The following NEMF variants were observed in gnomAD, a reference collection of about 807,000 sequenced individuals.
The protein encoded by NEMF is nuclear export mediator factor.
NEMF carries 89 observed loss-of-function variants against 162.2 expected under a neutral mutation model. That is an observed-to-expected ratio of 0.55 (90% CI 0.46 to 0.65). The LOEUF is 0.65. NEMF is among the 30% of genes least tolerant of loss of function. The pLI is 0.00. For missense variants in NEMF, 1,133 were observed against 1,261.9 expected (o/e 0.90, Z 1.55); for synonymous variants, 421 against 404.5 (o/e 1.04, Z -0.49).
chr14:49,782,788 A>T lies in NEMF; in HGVS notation c.*1848T>A, dbSNP rs1178002379. 1 of 1,596,890 alleles carries T rather than the reference A, an allele frequency of 6.3e-7. No individual in the cohort carries two copies. Among genetic ancestry groups the T allele is most frequent in the African/African-American group, 1.3e-5 (1 of 74,152 alleles). The stretch of plus-strand genomic sequence containing the variant: ...TTTTCAAGTGAATGTACTTCCAAAC[A>T]GTAAAGTGAAATTACTTTTCTCTTT... On this transcript the variant is annotated 3_prime_UTR_variant, in exon 33 of 33. Coordinates refer to ENST00000298310, the MANE Select transcript of NEMF (RefSeq NM_004713.6).
intron 28 of NEMF, 181 bp from the exon 29 acceptor site, chr14:49,786,931 G>T: frequency 1.8e-6 from 1 of 561,358 alleles, no homozygotes; most frequent in Non-Finnish European, 3.1e-6. Context: ...ATATGTGTTT[G>T]TGTGTGTCTG....
In NEMF at chr14:49,829,113, A is replaced by G; in HGVS notation, c.1173T>C (p.Pro391=). 1 of 1,614,212 alleles carries G rather than the reference A, an allele frequency of 6.2e-7. No homozygotes were observed. Among genetic ancestry groups the G allele is most frequent in the Non-Finnish European group, 8.5e-7 (1 of 1,180,020 alleles). The change falls in exon 13 of 33, where the codon CCT becomes CCC. Residue 391 remains proline (P), a synonymous_variant. Coordinates refer to ENST00000298310, the MANE Select transcript of NEMF (RefSeq NM_004713.6). ...TTAATTCTTTGATTGCACTTGCAAC[A>G]GGGTCTCCTTGAGCCTGGGCTTCTT... ...IVKEAQAQGD[P]VASAIKELKL...
rs1261588011 is a variant in NEMF at position 49,834,438 on chromosome 14, C to T, written c.586G>A (p.Ala196Thr). 2.5e-6 allele frequency: 4 copies of T among 1,594,544 alleles called. No individual in the cohort carries two copies. Among genetic ancestry groups the T allele is most frequent in the Non-Finnish European group, 2.6e-6 (3 of 1,162,262 alleles). Residue 196 changes from alanine (A) to threonine (T), a missense_variant, in exon 7 of 33, where the codon GCT (alanine) becomes ACT (threonine). Transcript: ENST00000298310. ...VLNPLLPYGPALIEHCLLENG... is the reference protein window; with the variant it reads ...VLNPLLPYGPTLIEHCLLENG... Reference sequence around the variant, plus strand: ...TCTAAAAGACAGTGTTCAATGAGAGCTGGTCCATAGGCTATAAATGCAGAG... The same window carrying T: ...TCTAAAAGACAGTGTTCAATGAGAGTTGGTCCATAGGCTATAAATGCAGAG...
At chr14:49,840,497 C>T (rs1893147006) in intron 5 of NEMF, among the ~76,000 whole-genome samples, 1 of 151,680 alleles carries the variant, frequency 6.6e-6, no homozygotes, top group African/African-American at 2.4e-5. Flanking sequence ...ATACATTTGC[C>T]TCTCCCAAAT....
At chr14:49,786,812 T>A in intron 28 of NEMF, 62 bp from the exon 29 acceptor site, 1 of 1,466,922 alleles carries the variant, frequency 6.8e-7, no homozygotes, top group Non-Finnish European at 9.5e-7. Flanking sequence ...TTCCACATCA[T>A]TAAACCATAA....
intron 5 of NEMF, among the ~76,000 whole-genome samples, chr14:49,840,111 G>C (rs1240695173): frequency 6.6e-6 from 1 of 152,080 alleles, no homozygotes; most frequent in Non-Finnish European, 1.5e-5. Flanking sequence ...AGTGAGCTAT[G>C]ATCACGCCAA....
rs142661016 is a variant in NEMF, at chr14:49,819,313, G to C, written c.1578-4456C>G. On this transcript the variant is annotated intron_variant, in intron 16 of 32. Transcript: ENST00000298310. ...GACACACAAAAAACAGAGTAACTAC[G>C]TGAGATGATGCATATGTTAATGTGC... Among the ~76,000 whole-genome samples, 82 of 152,100 alleles carry C rather than the reference G, an allele frequency of 5.4e-4. 1 individual carries two copies. The East Asian group carries it at 0.013, about 24-fold the overall frequency.
intron 25 of NEMF, among the ~76,000 whole-genome samples, chr14:49,797,703 A>C (rs1056005615): frequency 6.6e-6 from 1 of 152,248 alleles, no homozygotes; most frequent in African/African-American, 2.4e-5. Context: ...TCAGGTATTC[A>C]TATTTATTCC....
chr14:49,847,893 G>A (rs137997293), intron 3 of NEMF, among the ~76,000 whole-genome samples: 1,650 of 151,844 alleles, frequency 0.011, 12 homozygotes, highest in Non-Finnish European at 0.015. Context: ...TTAGCTGGGC[G>A]TGCTGGCGCA....
At position 49,819,392 on chromosome 14, in the gene NEMF, CATATATATATAT is replaced by C. The variant is rs10596408; in HGVS notation, c.1578-4547_1578-4536del. On this transcript the variant is annotated intron_variant, in intron 16 of 32. Coordinates refer to ENST00000298310, the MANE Select transcript of NEMF (RefSeq NM_004713.6). ...TATATAATAAAAACATATTATAGAC[CATATATATATAT>C]ATATATATATATATATGTTTATTTT... 5.4e-5 allele frequency among the ~76,000 whole-genome samples: 8 copies of C among 147,452 alleles called. No homozygotes were observed. In the East Asian group the frequency reaches 7.9e-4, roughly 15 times the overall value.
At position 49,782,999 on chromosome 14, in the gene NEMF, C is replaced by G. The variant is rs45543342; in HGVS notation, c.*1637G>C. 22,393 of 1,579,878 alleles carry G rather than the reference C, an allele frequency of 0.014. 219 individuals carry two copies. Among genetic ancestry groups the G allele is most frequent in the Non-Finnish European group, 0.017 (20,287 of 1,159,660 alleles). On this transcript the variant is annotated 3_prime_UTR_variant, in exon 33 of 33. Coordinates refer to ENST00000298310, the MANE Select transcript of NEMF (RefSeq NM_004713.6). ...TGATCACCTTGCATGGACAGCAATC[C>G]TGTAAACATCACAGAGTGGCATCAT...
intron 4 of NEMF, 47 bp from the exon 5 acceptor site, chr14:49,840,913 G>C: frequency 6.4e-7 from 1 of 1,560,820 alleles, no homozygotes; most frequent in African/African-American, 1.4e-5. Context: ...AATAATTTTT[G>C]AGGCCAGGCA....
chr14:49,802,893 A>G (rs907484700), intron 20 of NEMF, among the ~76,000 whole-genome samples, 166 bp from the exon 21 acceptor site: 2 of 152,218 alleles, frequency 1.3e-5, no homozygotes, highest in Non-Finnish European at 1.5e-5. Context: ...CAGTATGTAT[A>G]GGAACAGTTA....
At chr14:49,815,903 G>C (rs1891693593) in intron 16 of NEMF, among the ~76,000 whole-genome samples, 1 of 152,156 alleles carries the variant, frequency 6.6e-6, no homozygotes, top group Non-Finnish European at 1.5e-5. Flanking sequence ...GGCGGAGCTT[G>C]CAGTGAGCTG....
intron 3 of NEMF, among the ~76,000 whole-genome samples, chr14:49,848,244 C>T (rs1033177000): frequency 3.3e-5 from 5 of 152,084 alleles, no homozygotes; most frequent in African/African-American, 1.2e-4. Context: ...TAACCTATTT[C>T]AATCCAATGT....
intron 28 of NEMF, among the ~76,000 whole-genome samples, chr14:49,788,643 T>G (rs57654581): frequency 1.3e-5 from 2 of 150,986 alleles, no homozygotes; most frequent in Non-Finnish European, 2.9e-5. Context: ...CTGCAAGCTC[T>G]GCCTCCCAGG....
chr14:49,805,118 C>G (rs146160761), intron 19 of NEMF, among the ~76,000 whole-genome samples: 1 of 152,200 alleles, frequency 6.6e-6, no homozygotes, highest in African/African-American at 2.4e-5. Context: ...GAATTAAAAC[C>G]ACTTTTATAA....
chr14:49,791,033 A>G (rs1466765577), intron 26 of NEMF, among the ~76,000 whole-genome samples: 1 of 152,110 alleles, frequency 6.6e-6, no homozygotes, highest in African/African-American at 2.4e-5. Flanking sequence ...ATTCTTAGCA[A>G]GTGGCAAGCA....
chr14:49,847,901 G>A (rs541730465), intron 3 of NEMF, among the ~76,000 whole-genome samples: 4 of 151,650 alleles, frequency 2.6e-5, no homozygotes, highest in Admixed American at 2.0e-4. Flanking sequence ...GCGTGCTGGC[G>A]CATGCCTGTA....
Sources: gnomAD v4.1 joint callset for allele counts (sites outside exome capture counted in the v4.1 genomes callset) on GRCh38, gnomAD v4.1.1 for gene constraint, MANE v1.5 for transcripts, NCBI Gene and HGNC (gene_info 2026-07-23, HGNC 2026-07-21) for gene names.